Variants in MCTP1 observed in about 807,000 individuals in gnomAD.
MCTP1 encodes multiple C2 and transmembrane domain containing 1.
In MCTP1, 69 loss-of-function variants were observed where a neutral mutation model predicts 120.6. The observed-to-expected ratio is 0.57, with a 90% confidence interval of 0.47 to 0.70. The LOEUF (loss-of-function observed/expected upper bound fraction) is 0.70. Among genes scored for constraint, MCTP1 ranks in the 30% least tolerant of loss-of-function variants. The pLI, the probability that MCTP1 is intolerant of heterozygous loss-of-function variation, is 0.00. For missense variants in MCTP1, 1,203 were observed against 1,248.8 expected, an observed-to-expected ratio of 0.96 and a Z score of 0.55; for synonymous variants, 529 against 493.1, an observed-to-expected ratio of 1.07 and a Z score of -0.96.
chr5:95,099,017 G>T (rs1402965566), intron 1 of MCTP1, among the ~76,000 whole-genome samples: 1 of 151,832 alleles, frequency 6.6e-6, no homozygotes, highest in Non-Finnish European at 1.5e-5. Flanking sequence ...AACAAGCAAT[G>T]GGGAAAGGAT....
At chr5:95,069,204 G>A (rs1446151660) in intron 1 of MCTP1, among the ~76,000 whole-genome samples, 2 of 152,130 alleles carry the variant, frequency 1.3e-5, no homozygotes, top group East Asian at 1.9e-4. Flanking sequence ...CAGCTGCAAG[G>A]ACTGTCAAAT....
In MCTP1 at chr5:94,812,391, T is replaced by C. The variant is rs1470480810; in HGVS notation, c.2437-13259A>G. 4.6e-5 allele frequency among the ~76,000 whole-genome samples: 7 copies of C among 151,526 alleles called. No homozygotes were observed. In the East Asian group the frequency reaches 1.4e-3, roughly 29 times the overall value. On this transcript the variant is annotated intron_variant, in intron 17 of 22. Coordinates refer to ENST00000515393, the MANE Select transcript of MCTP1 (RefSeq NM_024717.7). ...AATGTGAGCTATTGGTAGATGGCTA[T>C]TGTAAAAAGCAAGTGTAAACATGAA...
intron 2 of MCTP1, among the ~76,000 whole-genome samples, chr5:94,984,151 A>G (rs1352589731): frequency 6.6e-6 from 1 of 152,196 alleles, no homozygotes; most frequent in African/African-American, 2.4e-5. Context: ...AGATGTCAGT[A>G]TCCTCCATAA....
At chr5:95,216,736 C>G (rs1753087000) in intron 1 of MCTP1, among the ~76,000 whole-genome samples, 1 of 152,182 alleles carries the variant, frequency 6.6e-6, no homozygotes. Context: ...TGAGAAATTG[C>G]AGTTGCATTA....
At chr5:94,934,317 TA>T (rs1815587949) in intron 5 of MCTP1, among the ~76,000 whole-genome samples, 1 of 151,844 alleles carries the variant, frequency 6.6e-6, no homozygotes, top group Non-Finnish European at 1.5e-5. Flanking sequence ...AAATAAGATT[TA>T]TTTTTTTGCT....
At chr5:94,928,926 TA>T (rs1418609938) in intron 6 of MCTP1, among the ~76,000 whole-genome samples, 1 of 152,194 alleles carries the variant, frequency 6.6e-6, no homozygotes, top group Non-Finnish European at 1.5e-5. Context: ...TTTCAATAGT[TA>T]AATACAACCC....
chr5:95,233,223 T>C (rs559660402), intron 1 of MCTP1, among the ~76,000 whole-genome samples: 1 of 152,230 alleles, frequency 6.6e-6, no homozygotes, highest in African/African-American at 2.4e-5. Context: ...AAGGGATCCA[T>C]ATTGTACAAA....
chr5:94,917,453 C>T (rs373534273), intron 8 of MCTP1, among the ~76,000 whole-genome samples: 1 of 152,196 alleles, frequency 6.6e-6, no homozygotes, highest in Non-Finnish European at 1.5e-5. Flanking sequence ...TTCTCAAATT[C>T]TAGCAGTCAA....
intron 20 of MCTP1, among the ~76,000 whole-genome samples, chr5:94,713,988 A>G (rs1051186277): frequency 1.3e-5 from 2 of 152,204 alleles, no homozygotes; most frequent in African/African-American, 4.8e-5. Context: ...CCCCTTCTTG[A>G]ATAGACCATT....
intron 8 of MCTP1, 124 bp from the exon 9 acceptor site, chr5:94,913,100 A>G: frequency 2.3e-6 from 1 of 427,278 alleles, no homozygotes; most frequent in Non-Finnish European, 4.0e-6. Context: ...TAATTTTTTT[A>G]ACTAAAAATA....
At position 94,756,760 on chromosome 5, in the gene MCTP1, A is replaced by C. The variant is rs144654242; in HGVS notation, c.2610+22350T>G. Among the ~76,000 whole-genome samples, 95 of 152,296 alleles carry C rather than the reference A, an allele frequency of 6.2e-4. 1 individual carries two copies. Among genetic ancestry groups the C allele is most frequent in the African/African-American group, 2.2e-3 (93 of 41,556 alleles). ...AGTGATTATGGGACTCTGATGCCTG[A>C]ATTGCTATATTTTATTCATATGTAT... On this transcript the variant is annotated intron_variant, in intron 19 of 22. Coordinates refer to ENST00000515393, the MANE Select transcript of MCTP1 (RefSeq NM_024717.7).
chr5:95,224,266 A>T (rs1754015521), intron 1 of MCTP1, among the ~76,000 whole-genome samples: 1 of 152,210 alleles, frequency 6.6e-6, no homozygotes, highest in Non-Finnish European at 1.5e-5. Context: ...ACCCACAGAG[A>T]TGGGAATTAG....
Position 94,930,969 on chromosome 5 carries a change from G to T in MCTP1, c.1212+984C>A, listed in dbSNP as rs977170949. The stretch of plus-strand genomic sequence containing the variant: ...AAATAATAAAGGTGATTTTTAATGG[G>T]AGCCCTGACTTTTTTGTAAGCCAAA... On this transcript the variant is annotated intron_variant, in intron 6 of 22. Transcript: ENST00000515393. 2.6e-5 allele frequency: 4 copies of T among 151,980 alleles called. No individual in the cohort carries two copies. The East Asian group carries it at 7.7e-4, about 29-fold the overall frequency. 9.4% of individuals were successfully genotyped at this position (151,980 alleles called of 1,614,324 possible).
intron 19 of MCTP1, among the ~76,000 whole-genome samples, chr5:94,728,777 G>A (rs1173755464): frequency 4.0e-5 from 6 of 151,684 alleles, no homozygotes; most frequent in Admixed American, 6.6e-5. Flanking sequence ...TCTTTCCCCC[G>A]CACTGGCTAG....
At chr5:94,947,033 GT>G (rs1404892798) in intron 3 of MCTP1, among the ~76,000 whole-genome samples, 1 of 152,126 alleles carries the variant, frequency 6.6e-6, no homozygotes, top group East Asian at 1.9e-4. Context: ...TCTTCACTTT[GT>G]TTTGAACTTT....
At position 94,714,902 on chromosome 5, in the gene MCTP1, AAAG is replaced by A. The variant is rs1352165725; in HGVS notation, c.2611-19_2611-17del. ...TTTCACTGTCCTAAAATGCAATAAA[AAAG>A]AAATTCTGTATGAGTAAAGGTATTC... is the stretch of plus-strand genomic sequence containing the variant. On this transcript the variant is annotated splice_polypyrimidine_tract_variant and intron_variant, in intron 19 of 22. Coordinates refer to ENST00000515393, the MANE Select transcript of MCTP1 (RefSeq NM_024717.7). 3 of 1,465,402 alleles carry A rather than the reference AAAG, an allele frequency of 2.0e-6. No homozygotes were observed. The highest frequency in any genetic ancestry group is 2.3e-5 in the East Asian group (1 of 44,190). 90.8% of individuals were successfully genotyped at this position (1,465,402 alleles called of 1,614,324 possible).
chr5:94,705,804 ACAT>A lies in MCTP1; in HGVS notation c.*1689_*1691del, dbSNP rs537578881. 131 of 151,788 alleles carry A rather than the reference ACAT, an allele frequency of 8.6e-4. No individual in the cohort carries two copies. The highest frequency in any genetic ancestry group is 2.8e-3 in the African/African-American group (115 of 41,488). 9.4% of individuals were successfully genotyped at this position (151,788 alleles called of 1,614,324 possible). On this transcript the variant is annotated 3_prime_UTR_variant, in exon 23 of 23. Transcript: ENST00000515393. ...TCTCATCAATAAACTTTCTGTAGTA[ACAT>A]CATGTTCATGGAACATTATGTTTTT... is the stretch of plus-strand genomic sequence containing the variant.
At chr5:95,196,333 G>T (rs1173398613) in intron 1 of MCTP1, among the ~76,000 whole-genome samples, 1 of 152,130 alleles carries the variant, frequency 6.6e-6, no homozygotes, top group African/African-American at 2.4e-5. Flanking sequence ...CTCTCCTAAT[G>T]ATCCTTTAAG....
chr5:94,819,801 C>T (rs1242748826), intron 17 of MCTP1, among the ~76,000 whole-genome samples: 1 of 152,218 alleles, frequency 6.6e-6, no homozygotes, highest in East Asian at 1.9e-4. Context: ...TTGACTCCTG[C>T]AGCTTTTAGG....
Sources: allele counts gnomAD v4.1 joint callset (sites outside exome capture counted in the v4.1 genomes callset), GRCh38; gene constraint gnomAD v4.1.1; transcripts MANE v1.5; gene names NCBI Gene and HGNC (gene_info 2026-07-23, HGNC 2026-07-21).